The following NALF1 variants were observed in gnomAD, a reference collection of about 807,000 sequenced individuals.
NALF1 encodes NALCN channel auxiliary factor 1.
A neutral mutation model predicts 48.4 loss-of-function variants in NALF1; 3 were observed. That is an observed-to-expected ratio of 0.06 (90% CI 0.03 to 0.16). The LOEUF (loss-of-function observed/expected upper bound fraction) is 0.16. NALF1 is among the 10% of genes least tolerant of loss of function. NALF1 has a pLI of 1.00. For missense variants in NALF1, 526 were observed against 571.5 expected (o/e 0.92, Z 0.81); for synonymous variants, 262 against 245.7 (o/e 1.07, Z -0.62).
At chr13:107,407,569 C>A (rs367560029) in intron 1 of NALF1, among the ~76,000 whole-genome samples, 1 of 152,058 alleles carries the variant, frequency 6.6e-6, no homozygotes, top group Admixed American at 6.6e-5. Context: ...TATTATCTTA[C>A]CCCAGTTAAA....
chr13:107,827,967 T>G (rs1442000515), intron 1 of NALF1, among the ~76,000 whole-genome samples: 1 of 152,174 alleles, frequency 6.6e-6, no homozygotes, highest in African/African-American at 2.4e-5. Flanking sequence ...TGTACAAAAC[T>G]GCAGCCGTCA....
chr13:107,373,120 C>G (rs1192200255), intron 1 of NALF1, among the ~76,000 whole-genome samples: 1 of 152,142 alleles, frequency 6.6e-6, no homozygotes, highest in Non-Finnish European at 1.5e-5. Context: ...ATAAGGTATA[C>G]AGAGCATCTA....
chr13:107,304,113 A>T (rs2138895948), intron 1 of NALF1, among the ~76,000 whole-genome samples: 1 of 152,278 alleles, frequency 6.6e-6, no homozygotes, highest in South Asian at 2.1e-4. Flanking sequence ...CAATTTGGTT[A>T]TATTAATATA....
intron 1 of NALF1, among the ~76,000 whole-genome samples, chr13:107,537,424 G>A (rs1464157247): frequency 6.6e-6 from 1 of 152,080 alleles, no homozygotes; most frequent in Non-Finnish European, 1.5e-5. Flanking sequence ...TCATGCCAAT[G>A]AAGGATATGA....
At chr13:107,315,194 T>C (rs1024619939) in intron 1 of NALF1, among the ~76,000 whole-genome samples, 3 of 152,090 alleles carry the variant, frequency 2.0e-5, no homozygotes, top group Admixed American at 1.3e-4. Context: ...TTCTACTACC[T>C]TTCATTTGTA....
chr13:107,608,191 C>T (rs1879124390), intron 1 of NALF1, among the ~76,000 whole-genome samples: 1 of 152,142 alleles, frequency 6.6e-6, no homozygotes, highest in Non-Finnish European at 1.5e-5. Context: ...AGAGGTAAAA[C>T]AGCTTCTCCC....
intron 1 of NALF1, among the ~76,000 whole-genome samples, chr13:107,232,062 A>T (rs959639693): frequency 6.6e-6 from 1 of 152,236 alleles, no homozygotes; most frequent in Non-Finnish European, 1.5e-5. Context: ...TTGCATCTAT[A>T]TTTAAACATT....
At chr13:107,433,892 C>A (rs150211472) in intron 1 of NALF1, among the ~76,000 whole-genome samples, 7 of 152,232 alleles carry the variant, frequency 4.6e-5, no homozygotes, top group Non-Finnish European at 7.4e-5. Context: ...GAGATGAACA[C>A]TTAGGAGCTG....
chr13:107,836,235 C>T (rs1231474701), intron 1 of NALF1, among the ~76,000 whole-genome samples: 5 of 152,114 alleles, frequency 3.3e-5, no homozygotes, highest in African/African-American at 4.8e-5. Flanking sequence ...AAGCAATCTG[C>T]CCCCCTTGGC....
chr13:107,700,369 G>C (rs1458988344), intron 1 of NALF1, among the ~76,000 whole-genome samples: 1 of 151,440 alleles, frequency 6.6e-6, no homozygotes, highest in Non-Finnish European at 1.5e-5. Context: ...ATAATTTTGA[G>C]AAGGACATCA....
rs964183114 is a variant in NALF1, at chr13:107,327,847, T to A, written c.916-117092A>T. Among the ~76,000 whole-genome samples the A allele has an allele frequency of 5.9e-5, 9 of 152,310 alleles. No individual in the cohort carries two copies. In the South Asian group the frequency reaches 1.9e-3, roughly 32 times the overall value. Reference sequence around the variant, plus strand: ...ACTCTATAAACCTTTGTCCTTGCCATCCCTCTTTATAGAGTGGTACTCCAG... The same window carrying A: ...ACTCTATAAACCTTTGTCCTTGCCAACCCTCTTTATAGAGTGGTACTCCAG... On this transcript the variant is annotated intron_variant, in intron 1 of 2. Transcript: ENST00000375915.
intron 1 of NALF1, among the ~76,000 whole-genome samples, chr13:107,360,427 T>C (rs1193920037): frequency 6.6e-6 from 1 of 152,206 alleles, no homozygotes; most frequent in Non-Finnish European, 1.5e-5. Context: ...ATCTCACCCT[T>C]TCACATCATG....
At chr13:107,517,745 A>T (rs1052846096) in intron 1 of NALF1, among the ~76,000 whole-genome samples, 1 of 152,168 alleles carries the variant, frequency 6.6e-6, no homozygotes, top group Non-Finnish European at 1.5e-5. Context: ...ATCTGAGGTC[A>T]GGTGTTCGAG....
At chr13:107,221,693 T>G (rs766674360) in intron 1 of NALF1, among the ~76,000 whole-genome samples, 7 of 152,216 alleles carry the variant, frequency 4.6e-5, no homozygotes, top group Non-Finnish European at 8.8e-5. Flanking sequence ...TTTATGAATA[T>G]GAAAACCGAG....
At chr13:107,638,947 G>A (rs1373396178) in intron 1 of NALF1, among the ~76,000 whole-genome samples, 1 of 152,130 alleles carries the variant, frequency 6.6e-6, no homozygotes, top group Admixed American at 6.5e-5. Context: ...GACACTGATG[G>A]CTGACGTCTG....
intron 1 of NALF1, among the ~76,000 whole-genome samples, chr13:107,829,611 A>C (rs1455369447): frequency 6.6e-6 from 1 of 152,024 alleles, no homozygotes; most frequent in African/African-American, 2.4e-5. Flanking sequence ...AATAATAATT[A>C]AATTTAAGAC....
intron 1 of NALF1, among the ~76,000 whole-genome samples, chr13:107,809,529 G>A (rs751813666): frequency 3.3e-5 from 5 of 151,942 alleles, no homozygotes; most frequent in South Asian, 4.1e-4. Context: ...TCTAACTGAC[G>A]CACCCACTGT....
intron 1 of NALF1, among the ~76,000 whole-genome samples, chr13:107,620,571 C>T (rs1417596248): frequency 2.6e-5 from 4 of 152,128 alleles, no homozygotes; most frequent in African/African-American, 9.7e-5. Flanking sequence ...TACTGTTGCA[C>T]CAAAATGACT....
At chr13:107,580,165 G>C (rs999565920) in intron 1 of NALF1, among the ~76,000 whole-genome samples, 2 of 152,128 alleles carry the variant, frequency 1.3e-5, no homozygotes, top group East Asian at 3.9e-4. Context: ...GATGAAATTG[G>C]AAATCATCAT....
Sources: allele counts gnomAD v4.1 joint callset (sites outside exome capture counted in the v4.1 genomes callset), GRCh38; gene constraint gnomAD v4.1.1; transcripts MANE v1.5; gene names NCBI Gene and HGNC (gene_info 2026-07-23, HGNC 2026-07-21).